Variants in SLC35F4 observed in about 807,000 individuals in gnomAD.
SLC35F4 encodes the protein solute carrier family 35 member F4, also known as chromosome 14 open reading frame 36.
SLC35F4 carries 24 observed loss-of-function variants against 44.2 expected under a neutral mutation model. The ratio of observed to expected loss-of-function variants is 0.54; its 90% CI spans 0.39 to 0.76. The LOEUF (loss-of-function observed/expected upper bound fraction) is 0.76. SLC35F4 is among the 30% of genes least tolerant of loss of function. SLC35F4 has a pLI of 0.00. For missense variants in SLC35F4, 562 were observed against 586.1 expected, an observed-to-expected ratio of 0.96 and a Z score of 0.42; for synonymous variants, 238 against 223.6, an observed-to-expected ratio of 1.06 and a Z score of -0.57.
intron 1 of SLC35F4, among the ~76,000 whole-genome samples, chr14:57,777,118 G>A (rs954267376): frequency 2.0e-5 from 3 of 152,300 alleles, no homozygotes; most frequent in Admixed American, 2.0e-4. Context: ...ATGTAAATGG[G>A]CAAAATGCTC....
intron 1 of SLC35F4, among the ~76,000 whole-genome samples, chr14:57,676,880 AC>A (rs2074713426): frequency 6.6e-6 from 1 of 152,094 alleles, no homozygotes; most frequent in South Asian, 2.1e-4. Flanking sequence ...TAAAAACAGG[AC>A]AACCATTCAA....
At chr14:57,893,280 T>C (rs1456748948) in intron 1 of SLC35F4, among the ~76,000 whole-genome samples, 1 of 152,190 alleles carries the variant, frequency 6.6e-6, no homozygotes, top group Non-Finnish European at 1.5e-5. Flanking sequence ...GATATATTTA[T>C]CTATGGAAAA....
At chr14:57,898,247 C>T (rs1333645192) in intron 1 of SLC35F4, among the ~76,000 whole-genome samples, 1 of 152,194 alleles carries the variant, frequency 6.6e-6, no homozygotes, top group East Asian at 1.9e-4. Context: ...CAAAATTAGG[C>T]ATATCTGATT....
chr14:57,714,073 TATGAC>T (rs949409421), intron 1 of SLC35F4, among the ~76,000 whole-genome samples: 2 of 152,186 alleles, frequency 1.3e-5, no homozygotes, highest in African/African-American at 2.4e-5. Context: ...CCTCTTTATA[TATGAC>T]ATGACATTTA....
chr14:57,980,840 G>T (rs1052468901), intron 1 of SLC35F4, among the ~76,000 whole-genome samples: 1 of 152,150 alleles, frequency 6.6e-6, no homozygotes, highest in Non-Finnish European at 1.5e-5. Context: ...GCTACATGTG[G>T]CTAGTGGCTA....
intron 1 of SLC35F4, among the ~76,000 whole-genome samples, chr14:57,594,534 A>G (rs1312937526): frequency 6.6e-6 from 1 of 152,238 alleles, no homozygotes; most frequent in East Asian, 1.9e-4. Context: ...TGTGCCTATA[A>G]GATAAAGACT....
intron 1 of SLC35F4, among the ~76,000 whole-genome samples, chr14:57,598,619 T>A (rs1650361972): frequency 6.6e-6 from 1 of 152,184 alleles, no homozygotes. Context: ...TGCGAACAAG[T>A]GCAAGATGAC....
chr14:57,649,765 T>G (rs940403510), intron 1 of SLC35F4, among the ~76,000 whole-genome samples: 2 of 145,340 alleles, frequency 1.4e-5, no homozygotes, highest in Admixed American at 1.4e-4. Context: ...TATACCTTTT[T>G]TGTTGCCCTA....
At chr14:57,686,131 A>G (rs1224431961) in intron 1 of SLC35F4, among the ~76,000 whole-genome samples, 1 of 152,176 alleles carries the variant, frequency 6.6e-6, no homozygotes, top group Non-Finnish European at 1.5e-5. Flanking sequence ...ATGTTTAACC[A>G]TAGTTTCTAA....
chr14:57,819,857 C>A (rs1016453810), intron 1 of SLC35F4, among the ~76,000 whole-genome samples: 3 of 150,966 alleles, frequency 2.0e-5, no homozygotes, highest in African/African-American at 7.3e-5. Flanking sequence ...ACTAGCCCTA[C>A]TAAATACCAA....
chr14:57,781,753 C>T (rs1355386257), intron 1 of SLC35F4, among the ~76,000 whole-genome samples: 1 of 152,178 alleles, frequency 6.6e-6, no homozygotes, highest in Non-Finnish European at 1.5e-5. Flanking sequence ...AAGATCATGT[C>T]CTTTGCAGGA....
At chr14:57,799,918 C>T (rs2078150136) in intron 1 of SLC35F4, among the ~76,000 whole-genome samples, 2 of 152,196 alleles carry the variant, frequency 1.3e-5, no homozygotes, top group African/African-American at 4.8e-5. Flanking sequence ...TCAGTCAACT[C>T]AGCTTTTCCA....
intron 2 of SLC35F4, among the ~76,000 whole-genome samples, chr14:57,593,683 C>T (rs2139923852): frequency 6.6e-6 from 1 of 152,218 alleles, no homozygotes. Context: ...TAAACTTCAC[C>T]AGGAGTCATT....
At chr14:57,706,840 A>T (rs1034330936) in intron 1 of SLC35F4, among the ~76,000 whole-genome samples, 1 of 152,202 alleles carries the variant, frequency 6.6e-6, no homozygotes, top group Admixed American at 6.5e-5. Flanking sequence ...CTTTGCAACC[A>T]AGTCAAGAAT....
At chr14:57,645,246 C>T (rs1331559778) in intron 1 of SLC35F4, among the ~76,000 whole-genome samples, 12 of 152,144 alleles carry the variant, frequency 7.9e-5, no homozygotes, top group South Asian at 2.1e-4. Context: ...ATTCTTCCTA[C>T]CCATGAGCAT....
intron 1 of SLC35F4, among the ~76,000 whole-genome samples, chr14:57,910,143 G>T (rs978377896): frequency 6.6e-6 from 1 of 151,842 alleles, no homozygotes; most frequent in East Asian, 1.9e-4. Flanking sequence ...TTTTTTATCA[G>T]ATTCTTCATT....
chr14:57,873,077 T>G (rs981809956), intron 1 of SLC35F4, among the ~76,000 whole-genome samples: 3 of 152,194 alleles, frequency 2.0e-5, no homozygotes, highest in African/African-American at 7.2e-5. Flanking sequence ...CCATTGTCCG[T>G]TTCAGTGATA....
At chr14:57,803,050 CCTCAGTAAAATACTGGCAAA>C (rs1459355055) in intron 1 of SLC35F4, among the ~76,000 whole-genome samples, 1 of 149,348 alleles carries the variant, frequency 6.7e-6, no homozygotes, top group Non-Finnish European at 1.5e-5. Flanking sequence ...ATGCAAAAAT[CCTCAGTAAAATACTGGCAAA>C]CTGAATCCAG....
intron 1 of SLC35F4, among the ~76,000 whole-genome samples, chr14:57,919,773 T>A (rs1339695851): frequency 1.3e-5 from 2 of 152,122 alleles, no homozygotes; most frequent in East Asian, 3.9e-4. Flanking sequence ...TCACAGCACT[T>A]TGGAGGGTCA....
Sources: allele counts gnomAD v4.1 joint callset (sites outside exome capture counted in the v4.1 genomes callset), GRCh38; gene constraint gnomAD v4.1.1; transcripts MANE v1.5; gene names NCBI Gene and HGNC (gene_info 2026-07-23, HGNC 2026-07-21).